Variants in MICU2 observed in about 807,000 individuals in gnomAD.
The protein encoded by MICU2 is mitochondrial calcium uptake 2.
MICU2 carries 64 observed loss-of-function variants against 60.4 expected under a neutral mutation model. The ratio of observed to expected loss-of-function variants is 1.06; its 90% CI spans 0.87 to 1.31. MICU2 has a LOEUF of 1.31. MICU2 is among the 50% of genes most tolerant of loss of function. The pLI is 0.00. For missense variants in MICU2, 569 were observed against 531.0 expected (o/e 1.07, Z -0.70); for synonymous variants, 201 against 175.0 (o/e 1.15, Z -1.17).
At chr13:21,603,901 A>C in intron 1 of MICU2, 38 bp downstream of exon 1, 1 of 1,603,054 alleles carries the variant, frequency 6.2e-7, no homozygotes, top group Non-Finnish European at 8.5e-7. Context: ...GGGAGGGAGG[A>C]GCTTGACTGG....
intron 4 of MICU2, among the ~76,000 whole-genome samples, chr13:21,523,843 GATGTGAGAATGTTATTCTCAGGA>G (rs1886785156): frequency 6.6e-6 from 1 of 152,246 alleles, no homozygotes; most frequent in Non-Finnish European, 1.5e-5. Context: ...GGGCTTTGGT[GATGTGAGAATGTTATTCTCAGGA>G]ATGTGAGGCA....
chr13:21,496,542 A>G (rs1335810830), intron 9 of MICU2: 1 of 195,234 alleles, frequency 5.1e-6, no homozygotes, highest in African/African-American at 2.4e-5. Context: ...AAGTTTTATT[A>G]GTGGACATAG....
intron 1 of MICU2, among the ~76,000 whole-genome samples, chr13:21,588,435 G>C: frequency 6.6e-6 from 1 of 152,170 alleles, no homozygotes; most frequent in East Asian, 1.9e-4. Context: ...GTCATCCCAA[G>C]CTCTCTCTGC....
chr13:21,571,040 A>G (rs1888095911), intron 1 of MICU2, among the ~76,000 whole-genome samples: 1 of 152,028 alleles, frequency 6.6e-6, no homozygotes, highest in African/African-American at 2.4e-5. Flanking sequence ...TTTTCCTGGT[A>G]ACGTGTGCGT....
At chr13:21,557,233 C>G (rs931708933) in intron 2 of MICU2, among the ~76,000 whole-genome samples, 2 of 152,042 alleles carry the variant, frequency 1.3e-5, no homozygotes, top group African/African-American at 4.8e-5. Flanking sequence ...AAAACTGGAG[C>G]AATTCCAGGT....
At chr13:21,571,390 T>C (rs1888104603) in intron 1 of MICU2, among the ~76,000 whole-genome samples, 1 of 151,958 alleles carries the variant, frequency 6.6e-6, no homozygotes, top group Non-Finnish European at 1.5e-5. Flanking sequence ...TAATAGAAAT[T>C]AAAATTTTAA....
At chr13:21,574,828 A>C (rs927031260) in intron 1 of MICU2, among the ~76,000 whole-genome samples, 4 of 152,256 alleles carry the variant, frequency 2.6e-5, no homozygotes, top group African/African-American at 9.6e-5. Context: ...CTTCTTAAAG[A>C]AACCTTTACA....
chr13:21,497,584 C>T (rs1432878499), intron 9 of MICU2, among the ~76,000 whole-genome samples: 1 of 151,976 alleles, frequency 6.6e-6, no homozygotes, highest in East Asian at 1.9e-4. Flanking sequence ...GTGGCATGTG[C>T]CTGTGGTCCC....
chr13:21,553,474 T>C (rs997728470), intron 2 of MICU2, among the ~76,000 whole-genome samples: 3 of 152,170 alleles, frequency 2.0e-5, no homozygotes, highest in Admixed American at 6.5e-5. Context: ...CTATGTTGAA[T>C]AGGAGTGGTG....
chr13:21,498,369 CTTTTTTTTTTTTTTT>C (rs34890922), intron 9 of MICU2, among the ~76,000 whole-genome samples: 12 of 78,560 alleles, frequency 1.5e-4, no homozygotes, highest in South Asian at 6.7e-4. Context: ...ATATCCTATT[CTTTTTTTTTTTTTTT>C]TTTTTTTTTT....
In MICU2 at chr13:21,603,944, C is replaced by T. The variant is rs759135512; in HGVS notation, c.205G>A (p.Ala69Thr). 3.1e-6 allele frequency: 5 copies of T among 1,612,442 alleles called. No homozygotes were observed. The South Asian group carries it at 3.3e-5, about 11-fold the overall frequency. The change falls in exon 1 of 12, where the codon GCA (alanine) becomes ACA (threonine). Residue 69 changes from alanine to threonine, a missense_variant. Coordinates refer to ENST00000382374, the MANE Select transcript of MICU2 (RefSeq NM_152726.3). ...AARDGSFTVS[A>T]QKNVEHGIIY... ...AGAAGGAGTTAGTCCTGTACCTGTG[C>T]GGAGACTGTAAAACTGCCATCCCGC...
intron 4 of MICU2, among the ~76,000 whole-genome samples, chr13:21,524,988 C>G (rs142400173): frequency 0.012 from 1,874 of 152,120 alleles, 15 homozygotes; most frequent in Non-Finnish European, 0.019. Flanking sequence ...TTCCATTGTA[C>G]CTATGTACCA....
intron 1 of MICU2, among the ~76,000 whole-genome samples, chr13:21,587,653 G>T (rs188606237): frequency 2.6e-5 from 4 of 152,180 alleles, no homozygotes; most frequent in Non-Finnish European, 5.9e-5. Flanking sequence ...TGCTGATTTC[G>T]AAGTGAATTT....
chr13:21,598,496 A>C (rs1445766400), intron 1 of MICU2, among the ~76,000 whole-genome samples: 5 of 152,120 alleles, frequency 3.3e-5, no homozygotes, highest in Non-Finnish European at 5.9e-5. Flanking sequence ...CGGACGGATC[A>C]CCTGAGGTCA....
At chr13:21,586,710 G>A (rs1444239956) in intron 1 of MICU2, among the ~76,000 whole-genome samples, 7 of 152,008 alleles carry the variant, frequency 4.6e-5, no homozygotes, top group Admixed American at 3.3e-4. Context: ...CACACCTGGC[G>A]TGTTACAGCA....
chr13:21,532,404 T>C (rs1332305717), intron 4 of MICU2, among the ~76,000 whole-genome samples: 4 of 152,214 alleles, frequency 2.6e-5, no homozygotes, highest in Non-Finnish European at 5.9e-5. Flanking sequence ...ATTTTACTTG[T>C]CATTTGCCAA....
Position 21,577,994 on chromosome 13 carries a change from A to C in MICU2, c.211-11050T>G, listed in dbSNP as rs552039258. Among the ~76,000 whole-genome samples, 287 of 151,416 alleles carry C rather than the reference A, an allele frequency of 1.9e-3. 3 individuals are homozygous for C. Among genetic ancestry groups the C allele is most frequent in the African/African-American group, 6.7e-3 (278 of 41,430 alleles). On this transcript the variant is annotated intron_variant, in intron 1 of 11. Coordinates refer to ENST00000382374, the MANE Select transcript of MICU2 (RefSeq NM_152726.3). Reference sequence around the variant, plus strand: ...TCTCCAAAAAAAATTTAAAATAATAATAATAATAATAAATTAAAAGAAAAA... The same window carrying C: ...TCTCCAAAAAAAATTTAAAATAATACTAATAATAATAAATTAAAAGAAAAA...
At chr13:21,525,181 A>ATTTTTTTT (rs71093324) in intron 4 of MICU2, among the ~76,000 whole-genome samples, 14 of 83,306 alleles carry the variant, frequency 1.7e-4, no homozygotes, top group African/African-American at 4.1e-4. Flanking sequence ...GTGTAATTCA[A>ATTTTTTTT]TTTTTTTTTT....
Position 21,493,325 on chromosome 13 carries a change from T to C in MICU2, c.1229A>G (p.Tyr410Cys). Reference protein sequence around the residue: ...WVPQHQSIQEYWKCVKKESIK... With the variant: ...WVPQHQSIQECWKCVKKESIK... ...GCTTTCTTTCTTCACACACTTCCAG[T>C]ATTCTTGTATACTCTGATGTTGTGG... is the stretch of plus-strand genomic sequence containing the variant. The change falls in exon 12 of 12, where the codon TAC (tyrosine) becomes TGC (cysteine). Residue 410 changes from tyrosine (Y) to cysteine (C), a missense_variant. By Grantham distance (194) the Tyr-to-Cys change is radical. Coordinates refer to ENST00000382374, the MANE Select transcript of MICU2 (RefSeq NM_152726.3). The C allele has an allele frequency of 6.2e-7, 1 of 1,610,112 alleles. No homozygotes were observed. Among genetic ancestry groups the C allele is most frequent in the Non-Finnish European group, 8.5e-7 (1 of 1,178,504 alleles).
Sources: allele counts gnomAD v4.1 joint callset (sites outside exome capture counted in the v4.1 genomes callset), GRCh38; gene constraint gnomAD v4.1.1; transcripts MANE v1.5; gene names NCBI Gene and HGNC (gene_info 2026-07-23, HGNC 2026-07-21).